NNT: variants seen among roughly 807,000 people sequenced by gnomAD.
The protein encoded by NNT is NAD(P) transhydrogenase, mitochondrial.
A neutral mutation model predicts 104.8 loss-of-function variants in NNT; 50 were observed. The observed-to-expected ratio is 0.48, with a 90% CI of 0.38 to 0.60. The LOEUF (loss-of-function observed/expected upper bound fraction) is 0.60, where lower values mean the gene tolerates loss of function less well. Among genes scored for constraint, NNT ranks in the 20% least tolerant of loss-of-function variants. The probability of loss-of-function intolerance (pLI) is 0.00; values close to 1 mark genes in which losing one functional copy is unlikely to be tolerated. For synonymous variants in NNT, 461 were observed against 490.4 expected, an observed-to-expected ratio of 0.94 and a Z score of 0.79; for missense variants, 1,131 against 1,330.7, an observed-to-expected ratio of 0.85 and a Z score of 2.33.
At chr5:43,653,251 A>G in intron 14 of NNT, 38 bp downstream of exon 14, 1 of 1,544,186 alleles carries the variant, frequency 6.5e-7, no homozygotes, top group Non-Finnish European at 8.8e-7. Context: ...TGTGAACTCC[A>G]GTTTCTCAAT....
intron 17 of NNT, among the ~76,000 whole-genome samples, chr5:43,661,936 A>T (rs1740390681): frequency 1.3e-5 from 2 of 152,116 alleles, no homozygotes; most frequent in African/African-American, 4.8e-5. Flanking sequence ...CAGTAATGGG[A>T]TGGCTGGGTC....
intron 18 of NNT, among the ~76,000 whole-genome samples, chr5:43,677,424 GAGAC>G (rs1274983411): frequency 2.7e-5 from 4 of 148,648 alleles, no homozygotes; most frequent in African/African-American, 7.7e-5. Flanking sequence ...GAGAGAGAGA[GAGAC>G]AGAGACAGAG....
intron 17 of NNT, among the ~76,000 whole-genome samples, chr5:43,669,654 T>G (rs1241341508): frequency 6.6e-6 from 1 of 152,150 alleles, no homozygotes; most frequent in African/African-American, 2.4e-5. Context: ...GTGGATAAGC[T>G]TTTTGATGTA....
rs1167783098 is a variant in NNT at position 43,704,845 on chromosome 5, A to G, written c.*441A>G. ...CATTTTATGTTTTTTTTTTCAACAA[A>G]TGTGACTAATTTGAAACTTTTATGA... On this transcript the variant is annotated 3_prime_UTR_variant, in exon 22 of 22. Transcript: ENST00000344920. 1 of 155,434 alleles carries G rather than the reference A, an allele frequency of 6.4e-6. No individual in the cohort carries two copies. The highest frequency in any genetic ancestry group is 1.4e-5 in the Non-Finnish European group (1 of 70,170). The allele number at this position is 155,434 out of a possible 1,614,324, so 9.6% of individuals were successfully genotyped here.
chr5:43,696,285 G>A (rs569337944), intron 19 of NNT, among the ~76,000 whole-genome samples: 2 of 152,214 alleles, frequency 1.3e-5, no homozygotes, highest in East Asian at 1.9e-4. Flanking sequence ...AATCCAGCAG[G>A]GCAATCAAAT....
intron 7 of NNT, 22 bp from the exon 8 acceptor site, chr5:43,644,167 GTGC>G (rs1751382146): frequency 6.3e-7 from 1 of 1,580,922 alleles, no homozygotes; most frequent in Non-Finnish European, 8.6e-7. Flanking sequence ...AATACAAATT[GTGC>G]TGCTTTCTTT....
At position 43,684,979 on chromosome 5, in the gene NNT, A is replaced by G. The variant is rs192070439; in HGVS notation, c.2876+7173A>G. Among the ~76,000 whole-genome samples, 536 of 152,334 alleles carry G rather than the reference A, an allele frequency of 3.5e-3. 2 individuals are homozygous for G. The highest frequency in any genetic ancestry group is 0.012 in the African/African-American group (510 of 41,578). ...ACAAAATTCCAAAGGTCCTTGAGCT[A>G]TAGCCCATACTACGGACTTTTTATT... is the stretch of plus-strand genomic sequence containing the variant. On this transcript the variant is annotated intron_variant, in intron 19 of 21. Coordinates refer to ENST00000344920, the MANE Select transcript of NNT (RefSeq NM_182977.3).
In NNT at chr5:43,653,128, A is replaced by T; in HGVS notation, c.1974A>T (p.Gly658=). The T allele has an allele frequency of 6.2e-7, 1 of 1,614,140 alleles. No individual in the cohort carries two copies. The highest frequency in any genetic ancestry group is 8.5e-7 in the Non-Finnish European group (1 of 1,180,022). The change falls in exon 14 of 22, where the codon GGA becomes GGT. Residue 658 remains glycine, a synonymous_variant. Coordinates refer to ENST00000344920, the MANE Select transcript of NNT (RefSeq NM_182977.3). ...NALGMIGVAG[G]LAATLGVLKP... ...TGGGCATGATTGGGGTTGCTGGAGG[A>T]CTGGCAGCCACCCTCGGAGTCCTAA... is the stretch of plus-strand genomic sequence containing the variant.
intron 19 of NNT, among the ~76,000 whole-genome samples, chr5:43,678,215 A>G (rs1488472046): frequency 6.6e-6 from 1 of 152,184 alleles, no homozygotes; most frequent in African/African-American, 2.4e-5. Context: ...TCTTGCTCTC[A>G]TGAGTGGCAG....
rs552657070 is a variant in NNT, at chr5:43,610,056, T to A, written c.151+710T>A. On this transcript the variant is annotated intron_variant, in intron 2 of 21. Transcript: ENST00000344920. ...AATTCAAAATTTGCCACTTGCTTCC[T>A]AGCTCTTACAGAGGAAGATCTGAAG... Among the ~76,000 whole-genome samples, 46 of 152,308 alleles carry A rather than the reference T, an allele frequency of 3.0e-4. 1 individual carries two copies. The highest frequency in any genetic ancestry group is 2.4e-3 in the Admixed American group (37 of 15,300).
At chr5:43,624,893 A>G (rs1750284270) in intron 6 of NNT, among the ~76,000 whole-genome samples, 1 of 152,210 alleles carries the variant, frequency 6.6e-6, no homozygotes, top group Non-Finnish European at 1.5e-5. Flanking sequence ...TTGAACATAG[A>G]ATGATCAAAA....
chr5:43,666,462 C>T (rs762295498), intron 17 of NNT, among the ~76,000 whole-genome samples: 9 of 152,236 alleles, frequency 5.9e-5, no homozygotes, highest in African/African-American at 9.6e-5. Flanking sequence ...CGTGGCAGCG[C>T]GCGCCTGCAA....
chr5:43,609,304 T>G lies in NNT; in HGVS notation c.109T>G (p.Tyr37Asp). 6.2e-7 allele frequency: 1 copy of G among 1,614,126 alleles called. No individual in the cohort carries two copies. Among genetic ancestry groups the G allele is most frequent in the Non-Finnish European group, 8.5e-7 (1 of 1,179,996 alleles). The change falls in exon 2 of 22, where the codon TAT becomes GAT. Residue 37 changes from tyrosine (Y) to aspartate (D), a missense_variant. Coordinates refer to ENST00000344920, the MANE Select transcript of NNT (RefSeq NM_182977.3). ...RVKKDFLRTF[Y>D]THQELWCKAP... ...GAAGAAGGATTTTTTACGAACATTT[T>G]ATACTCACCAAGAACTGTGGTGTAA...
At chr5:43,669,123 T>G (rs1740892392) in intron 17 of NNT, among the ~76,000 whole-genome samples, 1 of 152,218 alleles carries the variant, frequency 6.6e-6, no homozygotes, top group Non-Finnish European at 1.5e-5. Context: ...TTTTTGCACA[T>G]TGATTTTGTA....
chr5:43,614,065 A>G (rs992661645), intron 3 of NNT, among the ~76,000 whole-genome samples: 6 of 152,210 alleles, frequency 3.9e-5, no homozygotes, highest in African/African-American at 1.4e-4. Flanking sequence ...AAGTTTACAA[A>G]TACTTGGTGA....
chr5:43,681,471 T>A (rs903810258), intron 19 of NNT, among the ~76,000 whole-genome samples: 1 of 152,084 alleles, frequency 6.6e-6, no homozygotes, highest in Non-Finnish European at 1.5e-5. Context: ...TGATTTCAGC[T>A]CACTGCAACC....
At chr5:43,629,194 T>C (rs886375071) in intron 7 of NNT, among the ~76,000 whole-genome samples, 14 of 152,044 alleles carry the variant, frequency 9.2e-5, no homozygotes, top group African/African-American at 3.4e-4. Flanking sequence ...AAGCCCATTA[T>C]ATCATAGCTT....
Position 43,704,639 on chromosome 5 carries a change from G to T in NNT, c.*235G>T, listed in dbSNP as rs1021109684. ...CTTTCTGTGCATATTTTTTGTGTTA[G>T]GAATCAAAAGTATTTTATAAAAGGA... On this transcript the variant is annotated 3_prime_UTR_variant, in exon 22 of 22. Transcript: ENST00000344920. 2.2e-5 allele frequency: 9 copies of T among 401,650 alleles called. No homozygotes were observed. Among genetic ancestry groups the T allele is most frequent in the South Asian group, 7.2e-5 (2 of 27,682 alleles). The allele number at this position is 401,650 out of a possible 1,614,324, so 24.9% of individuals were successfully genotyped here. A position where few individuals can be genotyped will look rare whatever the true frequency, so the allele number is the denominator to read the frequency against.
At chr5:43,671,036 A>G (rs1029244538) in intron 17 of NNT, among the ~76,000 whole-genome samples, 1 of 152,168 alleles carries the variant, frequency 6.6e-6, no homozygotes, top group South Asian at 2.1e-4. Context: ...ACCATTATGT[A>G]ATGGCCTTCT....
Sources: allele counts gnomAD v4.1 joint callset (sites outside exome capture counted in the v4.1 genomes callset), GRCh38; gene constraint gnomAD v4.1.1; transcripts MANE v1.5; gene names NCBI Gene and HGNC (gene_info 2026-07-23, HGNC 2026-07-21).